The following ESYT2 variants were observed in gnomAD, a reference collection of about 807,000 sequenced individuals.
ESYT2 encodes the protein extended synaptotagmin 2.
A neutral mutation model predicts 107.2 loss-of-function variants in ESYT2; 54 were observed. That is an observed-to-expected ratio of 0.50 (90% CI 0.40 to 0.63). The LOEUF (loss-of-function observed/expected upper bound fraction) is 0.63. Ranked by LOEUF, ESYT2 falls within the 30% of genes least tolerant of loss-of-function variation. The pLI, the probability that ESYT2 is intolerant of heterozygous loss-of-function variation, is 0.00. For missense variants in ESYT2, 1,020 were observed against 1,094.5 expected (o/e 0.93, Z 0.96); for synonymous variants, 491 against 434.1 (o/e 1.13, Z -1.63).
chr7:158,737,077 CT>C lies in ESYT2; in HGVS notation c.2369del (p.Lys790ArgfsTer4), dbSNP rs1836984284. The C allele has an allele frequency of 1.2e-6, 2 of 1,613,686 alleles. No homozygotes were observed. Among genetic ancestry groups the C allele is most frequent in the Non-Finnish European group, 1.7e-6 (2 of 1,179,748 alleles). On this transcript the variant is annotated frameshift_variant, in exon 20 of 23. Coordinates refer to ENST00000275418, the MANE Select transcript of ESYT2 (RefSeq NM_001367773.1). ...GATCAAACACTGGATTTAATGTTTT[CT>C]TTGACACGTGTGTTTTCCTCCTTCC... is the stretch of plus-strand genomic sequence containing the variant. Reference protein sequence around the residue: ...RSGRRKTHVSKKTLNPVFDQS... With the variant: ...RSGRRKTHVSXKTLNPVFDQS...
intron 1 of ESYT2, among the ~76,000 whole-genome samples, chr7:158,827,894 G>A (rs1387459046): frequency 6.6e-6 from 1 of 152,172 alleles, no homozygotes; most frequent in Admixed American, 6.5e-5. Flanking sequence ...GCCAAGTCAT[G>A]GCTAAGAAAG....
At chr7:158,787,181 C>T (rs542923405) in intron 6 of ESYT2, among the ~76,000 whole-genome samples, 1 of 152,220 alleles carries the variant, frequency 6.6e-6, no homozygotes, top group East Asian at 1.9e-4. Context: ...GTTCTGTTGT[C>T]TTGGTTTTGT....
At chr7:158,758,091 A>ATACAT (rs71200054) in intron 13 of ESYT2, among the ~76,000 whole-genome samples, 1 of 152,144 alleles carries the variant, frequency 6.6e-6, no homozygotes. Flanking sequence ...GCTAAGGTAA[A>ATACAT]TAAGAGAAAT....
intron 7 of ESYT2, among the ~76,000 whole-genome samples, chr7:158,771,671 G>A (rs938574472): frequency 5.9e-5 from 9 of 152,214 alleles, no homozygotes; most frequent in Non-Finnish European, 7.3e-5. Flanking sequence ...GCCCAACACC[G>A]GCTCCATCTG....
chr7:158,810,525 T>C (rs1242941084), intron 1 of ESYT2, among the ~76,000 whole-genome samples: 1 of 151,936 alleles, frequency 6.6e-6, no homozygotes. Context: ...CTACAAAATA[T>C]CTGAAAATTA....
intron 1 of ESYT2, among the ~76,000 whole-genome samples, 154 bp downstream of exon 1, chr7:158,828,935 G>A (rs1271786717): frequency 3.4e-5 from 5 of 147,124 alleles, no homozygotes; most frequent in Admixed American, 6.8e-5. Context: ...TGCCTGGACC[G>A]GGGTGGGTGG....
In ESYT2 at chr7:158,787,985, GAAAT is replaced by G; in HGVS notation, c.747+15_747+18del. 2 of 1,596,164 alleles carry G rather than the reference GAAAT, an allele frequency of 1.3e-6. No homozygotes were observed. Among genetic ancestry groups the G allele is most frequent in the Admixed American group, 1.7e-5 (1 of 59,516 alleles). Reference sequence around the variant, plus strand: ...TGCCACCAAATGGGAAAATAAAAATGAAATAAATATTGACTTACTGGTTTCCTAA... The same window carrying G: ...TGCCACCAAATGGGAAAATAAAAATGAAATATTGACTTACTGGTTTCCTAA... On this transcript the variant is annotated intron_variant, in intron 6 of 22. Coordinates refer to ENST00000275418, the MANE Select transcript of ESYT2 (RefSeq NM_001367773.1).
chr7:158,791,818 G>GAC (rs1839301719), intron 4 of ESYT2, among the ~76,000 whole-genome samples: 1 of 152,202 alleles, frequency 6.6e-6, no homozygotes, highest in Admixed American at 6.5e-5. Context: ...TATCCTGGAT[G>GAC]ATGACTGCTT....
chr7:158,761,612 C>A, intron 10 of ESYT2, 68 bp from the exon 11 acceptor site: 1 of 1,395,548 alleles, frequency 7.2e-7, no homozygotes, highest in African/African-American at 1.4e-5. Context: ...AACTTTAAAA[C>A]ATAGAAAACA....
intron 6 of ESYT2, among the ~76,000 whole-genome samples, chr7:158,780,991 G>C (rs947550474): frequency 6.6e-6 from 1 of 152,018 alleles, no homozygotes; most frequent in African/African-American, 2.4e-5. Flanking sequence ...TGAGAAAGAG[G>C]GACAGAGAAC....
chr7:158,798,646 C>CAAAAAAAAAAAAAAA (rs57351086), intron 2 of ESYT2, among the ~76,000 whole-genome samples: 6 of 49,852 alleles, frequency 1.2e-4, no homozygotes, highest in Non-Finnish European at 1.6e-4. Flanking sequence ...AGCTCCGTCT[C>CAAAAAAAAAAAAAAA]AAAAAAAAAA....
At chr7:158,767,904 C>G in intron 7 of ESYT2, 130 bp from the exon 8 acceptor site, 2 of 1,028,712 alleles carry the variant, frequency 1.9e-6, no homozygotes, top group Non-Finnish European at 2.7e-6. Flanking sequence ...TTATCTCATT[C>G]CTCCAGTGCA....
intron 13 of ESYT2, among the ~76,000 whole-genome samples, chr7:158,757,634 C>T (rs913644121): frequency 9.2e-5 from 14 of 152,318 alleles, no homozygotes; most frequent in Middle Eastern, 3.4e-3. Context: ...GCCCGCGGGA[C>T]GCCCCTTAAT....
Position 158,761,409 on chromosome 7 carries a change from G to C in ESYT2, c.1233+87C>G, listed in dbSNP as rs139099833. ...AATTAGGATTCCGGCACTGTGTGAT[G>C]GTGAAGGGGTGGTTCGTGGCTCCTC... On this transcript the variant is annotated intron_variant, in intron 11 of 22. Coordinates refer to ENST00000275418, the MANE Select transcript of ESYT2 (RefSeq NM_001367773.1). The C allele has an allele frequency of 2.1e-4, 229 of 1,112,754 alleles. 2 individuals carry two copies. In the East Asian group the frequency reaches 5.1e-3, roughly 25 times the overall value. 68.9% of individuals were successfully genotyped at this position (1,112,754 alleles called of 1,614,324 possible).
intron 1 of ESYT2, among the ~76,000 whole-genome samples, chr7:158,802,273 G>A (rs557471331): frequency 6.6e-6 from 1 of 152,178 alleles, no homozygotes; most frequent in African/African-American, 2.4e-5. Context: ...TAAATTCCAT[G>A]TCCTATGCAC....
At chr7:158,776,146 G>A (rs1454772639) in intron 6 of ESYT2, among the ~76,000 whole-genome samples, 1 of 152,198 alleles carries the variant, frequency 6.6e-6, no homozygotes, top group African/African-American at 2.4e-5. Context: ...GTAAAAAGGT[G>A]TGCTGTCATC....
intron 1 of ESYT2, among the ~76,000 whole-genome samples, chr7:158,826,496 T>C (rs1045382459): frequency 6.6e-6 from 1 of 152,132 alleles, no homozygotes; most frequent in Non-Finnish European, 1.5e-5. Context: ...AAAAGAATCT[T>C]TGGCTAAATT....
At chr7:158,758,091 A>ATACTT (rs71200054) in intron 13 of ESYT2, among the ~76,000 whole-genome samples, 149,169 of 152,260 alleles carry the variant, frequency 0.98, 73,083 homozygotes, top group East Asian at 1. Context: ...GCTAAGGTAA[A>ATACTT]TAAGAGAAAT....
At chr7:158,814,605 A>G (rs1840100703) in intron 1 of ESYT2, among the ~76,000 whole-genome samples, 2 of 152,202 alleles carry the variant, frequency 1.3e-5, no homozygotes, top group African/African-American at 4.8e-5. Context: ...CTAACAGTAT[A>G]TAAACTTAAA....
Sources: allele counts gnomAD v4.1 joint callset (sites outside exome capture counted in the v4.1 genomes callset), GRCh38; gene constraint gnomAD v4.1.1; transcripts MANE v1.5; gene names NCBI Gene and HGNC (gene_info 2026-07-23, HGNC 2026-07-21).